The following PLEKHH2 variants were observed in gnomAD, a reference collection of about 807,000 sequenced individuals.
The protein encoded by PLEKHH2 is pleckstrin homology domain-containing family H member 2.
PLEKHH2 carries 129 observed loss-of-function variants against 187.9 expected under a neutral mutation model. The observed-to-expected ratio is 0.69, with a 90% CI of 0.59 to 0.79. The LOEUF is 0.79. Ranked by LOEUF, PLEKHH2 falls within the 30% of genes least tolerant of loss-of-function variation. The pLI is 0.00. For missense variants in PLEKHH2, 2,076 were observed against 1,751.2 expected, an observed-to-expected ratio of 1.19 and a Z score of -3.31; for synonymous variants, 686 against 605.6, an observed-to-expected ratio of 1.13 and a Z score of -1.95.
At chr2:43,689,676 GTCTCTT>G (rs1469271580) in intron 3 of PLEKHH2, among the ~76,000 whole-genome samples, 1 of 152,100 alleles carries the variant, frequency 6.6e-6, no homozygotes, top group East Asian at 1.9e-4. Flanking sequence ...CTACTTTGTG[GTCTCTT>G]TCTCTAAGAG....
In PLEKHH2 at chr2:43,681,641, C is replaced by A. The variant is rs1304316970; in HGVS notation, c.186+2716C>A. 8 of 653,838 alleles carry A rather than the reference C, an allele frequency of 1.2e-5. No individual in the cohort carries two copies. The South Asian group carries it at 1.4e-4, about 12-fold the overall frequency. 40.5% of individuals were successfully genotyped at this position (653,838 alleles called of 1,614,324 possible). The stretch of plus-strand genomic sequence containing the variant: ...TGACACAATATGCATTTTTGTTCTC[C>A]TACCATAGTGACCAGATCTGAATCA... On this transcript the variant is annotated intron_variant, in intron 3 of 29. Coordinates refer to ENST00000282406, the MANE Select transcript of PLEKHH2 (RefSeq NM_172069.4).
At chr2:43,643,439 A>T (rs1666042512) in intron 1 of PLEKHH2, among the ~76,000 whole-genome samples, 1 of 152,124 alleles carries the variant, frequency 6.6e-6, no homozygotes, top group Non-Finnish European at 1.5e-5. Context: ...GTCAGTATTA[A>T]TGTGAAAATT....
intron 14 of PLEKHH2, 33 bp downstream of exon 14, chr2:43,710,608 T>G (rs2568244): frequency 4.0e-6 from 6 of 1,513,446 alleles, no homozygotes; most frequent in Admixed American, 2.1e-5. Flanking sequence ...TTTTTTTTTT[T>G]GTATCATGCC....
chr2:43,755,378 C>T (rs551650127), intron 25 of PLEKHH2, among the ~76,000 whole-genome samples: 3 of 152,294 alleles, frequency 2.0e-5, no homozygotes, highest in African/African-American at 7.2e-5. Context: ...AGTCTGTTCT[C>T]TCCTCTGTAT....
At position 43,738,367 on chromosome 2, in the gene PLEKHH2, A is replaced by G; in HGVS notation, c.2970A>G (p.Ala990=). Residue 990 remains alanine, a synonymous_variant, in exon 20 of 30, where the codon GCA becomes GCG. Coordinates refer to ENST00000282406, the MANE Select transcript of PLEKHH2 (RefSeq NM_172069.4). ...FKTCQLFINA[A]VDSPAIDYHI... Reference sequence around the variant, plus strand: ...CCTGCCAGCTTTTTATAAATGCTGCAGTTGACTCTCCTGCAATTGATTACC... The same window carrying G: ...CCTGCCAGCTTTTTATAAATGCTGCGGTTGACTCTCCTGCAATTGATTACC... 6.2e-7 allele frequency: 1 copy of G among 1,611,756 alleles called. No individual in the cohort carries two copies. Among genetic ancestry groups the G allele is most frequent in the East Asian group, 2.2e-5 (1 of 44,856 alleles).
chr2:43,747,216 A>T (rs1456769587), intron 24 of PLEKHH2, among the ~76,000 whole-genome samples: 1 of 151,822 alleles, frequency 6.6e-6, no homozygotes, highest in Non-Finnish European at 1.5e-5. Context: ...AGACAGACCC[A>T]GTTCCTGATC....
chr2:43,675,603 TCTTC>T, intron 2 of PLEKHH2: 2 of 1,613,696 alleles, frequency 1.2e-6, no homozygotes, highest in Non-Finnish European at 1.7e-6. Flanking sequence ...TAAATACATC[TCTTC>T]CTTCATAATC....
rs149390119 is a variant in PLEKHH2 at position 43,757,231 on chromosome 2, G to A, written c.3908G>A (p.Arg1303Lys). The change falls in exon 26 of 30, where the codon AGG (arginine) becomes AAG (lysine). Residue 1303 changes from arginine (R) to lysine (K), a missense_variant. Coordinates refer to ENST00000282406, the MANE Select transcript of PLEKHH2 (RefSeq NM_172069.4). ...GTCATAGAGAAATTTTATCCTAAAAGGTATAGAGATGGCTGTTCTGAAGAG... is the reference window on the plus strand; with the variant it reads ...GTCATAGAGAAATTTTATCCTAAAAAGTATAGAGATGGCTGTTCTGAAGAG... ...KQVIEKFYPK[R>K]YRDGCSEEQL... 1.9e-6 allele frequency: 3 copies of A among 1,595,038 alleles called. No individual in the cohort carries two copies. The highest frequency in any genetic ancestry group is 2.3e-5 in the East Asian group (1 of 43,408).
chr2:43,701,645 A>G (rs1025622771), intron 8 of PLEKHH2, among the ~76,000 whole-genome samples: 2 of 151,998 alleles, frequency 1.3e-5, no homozygotes, highest in Non-Finnish European at 2.9e-5. Context: ...CTACAGACCT[A>G]GAATAGATAA....
chr2:43,735,973 A>G (rs1006629103), intron 19 of PLEKHH2, among the ~76,000 whole-genome samples: 3 of 152,146 alleles, frequency 2.0e-5, no homozygotes, highest in Non-Finnish European at 2.9e-5. Flanking sequence ...TTTTAGAAAC[A>G]TTTCCACTAA....
At chr2:43,660,546 G>A (rs1196724089) in intron 2 of PLEKHH2, among the ~76,000 whole-genome samples, 2 of 139,592 alleles carry the variant, frequency 1.4e-5, no homozygotes, top group African/African-American at 5.7e-5. Context: ...GTATAAATGT[G>A]CCATGCTGGT....
intron 25 of PLEKHH2, among the ~76,000 whole-genome samples, chr2:43,755,026 C>T (rs535349036): frequency 6.6e-6 from 1 of 152,118 alleles, no homozygotes; most frequent in East Asian, 1.9e-4. Context: ...GCACTCACCA[C>T]CATGCTCTGC....
rs374505427 is a variant in PLEKHH2 at position 43,681,316 on chromosome 2, GAATTTGGTGTTCTC to G, written c.186+2393_186+2406del. ...CTGTAACTCTGTCTGTGTTGGTGAGGAATTTGGTGTTCTCAGCTCCATTGGGGTCACCTGTCATC... is the reference window on the plus strand; with the variant it reads ...CTGTAACTCTGTCTGTGTTGGTGAGGAGCTCCATTGGGGTCACCTGTCATC... On this transcript the variant is annotated intron_variant, in intron 3 of 29. Transcript: ENST00000282406. The G allele has an allele frequency of 9.4e-6, 8 of 849,346 alleles. No individual in the cohort carries two copies. The African/African-American group carries it at 1.2e-4, about 13-fold the overall frequency. The allele number at this position is 849,346 out of a possible 1,614,324, so 52.6% of individuals were successfully genotyped here.
intron 17 of PLEKHH2, among the ~76,000 whole-genome samples, chr2:43,728,985 C>A (rs888166013): frequency 2.0e-5 from 3 of 152,076 alleles, no homozygotes; most frequent in African/African-American, 7.2e-5. Flanking sequence ...AAGTTAGTAA[C>A]CATCATAATG....
chr2:43,757,422 CTT>C (rs564542581), intron 26 of PLEKHH2, among the ~76,000 whole-genome samples, 158 bp downstream of exon 26: 9 of 139,380 alleles, frequency 6.5e-5, no homozygotes, highest in Non-Finnish European at 7.8e-5. Flanking sequence ...TTTTTTCTTT[CTT>C]TTTTTTTTTT....
chr2:43,726,006 T>C (rs1670723381), intron 16 of PLEKHH2, among the ~76,000 whole-genome samples: 1 of 151,224 alleles, frequency 6.6e-6, no homozygotes, highest in Non-Finnish European at 1.5e-5. Context: ...TAGTGCTAGC[T>C]ATTTGGGAGG....
At chr2:43,749,022 G>T (rs112789547) in intron 24 of PLEKHH2, among the ~76,000 whole-genome samples, 1 of 152,178 alleles carries the variant, frequency 6.6e-6, no homozygotes, top group Admixed American at 6.5e-5. Flanking sequence ...CTCCCAAAGT[G>T]CTGGGATTAC....
In PLEKHH2 at chr2:43,707,531, G is replaced by A; in HGVS notation, c.1952G>A (p.Arg651Lys). The stretch of plus-strand genomic sequence containing the variant: ...AGTAGGAGTGGGCCAGGCAGCCCCA[G>A]AGCCATGAAACGAGGTGAGGGAAAA... The part of the protein sequence containing the change: ...SRSRSGPGSP[R>K]AMKRGVSLSS... The change falls in exon 11 of 30, where the codon AGA becomes AAA. Residue 651 changes from arginine to lysine, a missense_variant. Coordinates refer to ENST00000282406, the MANE Select transcript of PLEKHH2 (RefSeq NM_172069.4). 6.2e-7 allele frequency: 1 copy of A among 1,613,954 alleles called. No individual in the cohort carries two copies.
rs182076428 is a variant in PLEKHH2, at chr2:43,715,191, G to A, written c.2460+2808G>A. Among the ~76,000 whole-genome samples the A allele has an allele frequency of 3.7e-3, 565 of 152,040 alleles. 3 individuals carry two copies. The highest frequency in any genetic ancestry group is 0.01 in the African/African-American group (422 of 41,464). On this transcript the variant is annotated intron_variant, in intron 15 of 29. Coordinates refer to ENST00000282406, the MANE Select transcript of PLEKHH2 (RefSeq NM_172069.4). ...CTCGGGAGGCTGAGGCAGGAGAATCGCCTGAACTTGAGAGATGGAGGTTGA... is the reference window on the plus strand; with the variant it reads ...CTCGGGAGGCTGAGGCAGGAGAATCACCTGAACTTGAGAGATGGAGGTTGA...
Sources: gnomAD v4.1 joint callset for allele counts (sites outside exome capture counted in the v4.1 genomes callset) on GRCh38, gnomAD v4.1.1 for gene constraint, MANE v1.5 for transcripts, NCBI Gene and HGNC (gene_info 2026-07-23, HGNC 2026-07-21) for gene names.